The following DPP6 variants were observed in gnomAD, a reference collection of about 807,000 sequenced individuals.
The protein encoded by DPP6 is A-type potassium channel modulatory protein DPP6.
Under a neutral mutation model 122.6 loss-of-function variants are expected in DPP6, and 69 were observed. The observed-to-expected ratio is 0.56, with a 90% CI of 0.46 to 0.69. The LOEUF (loss-of-function observed/expected upper bound fraction) is 0.69. Ranked by LOEUF, DPP6 falls within the 30% of genes least tolerant of loss-of-function variation. The pLI is 0.00. For synonymous variants in DPP6, 418 were observed against 433.1 expected, an observed-to-expected ratio of 0.97 and a Z score of 0.43; for missense variants, 928 against 1,116.9, an observed-to-expected ratio of 0.83 and a Z score of 2.41.
chr7:153,778,871 G>A, the DPP6 span, among the ~76,000 whole-genome samples: 39 of 149,142 alleles, frequency 2.6e-4, no homozygotes, highest in Non-Finnish European at 5.7e-4. Context: ...GCACACACCA[G>A]GCCTGTATGC....
At chr7:154,522,792 A>G (rs1488503912) in intron 3 of DPP6, among the ~76,000 whole-genome samples, 1 of 152,188 alleles carries the variant, frequency 6.6e-6, no homozygotes, top group Non-Finnish European at 1.5e-5. Context: ...TCTGCTCAGG[A>G]GCCCCCTGAA....
At chr7:154,394,591 G>A (rs561176303) in intron 1 of DPP6, among the ~76,000 whole-genome samples, 16 of 151,624 alleles carry the variant, frequency 1.1e-4, no homozygotes, top group Middle Eastern at 3.4e-3. Context: ...ACAATTTCTC[G>A]AAGTCCTATT....
At chr7:154,525,584 C>T (rs564585718) in intron 3 of DPP6, among the ~76,000 whole-genome samples, 76 of 152,326 alleles carry the variant, frequency 5.0e-4, no homozygotes, top group Admixed American at 3.6e-3. Flanking sequence ...GTGATTAACA[C>T]GGAATGCTAC....
chr7:153,879,539 G>A, the DPP6 span, among the ~76,000 whole-genome samples: 9 of 151,988 alleles, frequency 5.9e-5, no homozygotes, highest in East Asian at 1.9e-4. Context: ...GCAGGTGCAC[G>A]CCACCACAGC....
At chr7:154,411,455 G>T (rs946818685) in intron 1 of DPP6, among the ~76,000 whole-genome samples, 7 of 152,088 alleles carry the variant, frequency 4.6e-5, no homozygotes, top group Non-Finnish European at 1.0e-4. Flanking sequence ...GGCCAAGGCT[G>T]GTCTCAAACT....
chr7:154,551,278 C>G (rs1271695778), intron 4 of DPP6, among the ~76,000 whole-genome samples: 2 of 152,118 alleles, frequency 1.3e-5, no homozygotes, highest in Non-Finnish European at 2.9e-5. Flanking sequence ...GTTTGATTAG[C>G]AAATGCAGGT....
chr7:154,768,815 T>C (rs893956778), intron 8 of DPP6, among the ~76,000 whole-genome samples: 1 of 152,228 alleles, frequency 6.6e-6, no homozygotes, highest in South Asian at 2.1e-4. Context: ...CCATGCATAG[T>C]GAGCTTGTAC....
intron 1 of DPP6, among the ~76,000 whole-genome samples, chr7:153,904,686 C>T (rs184098568): frequency 1.6e-3 from 248 of 152,318 alleles, no homozygotes; most frequent in African/African-American, 5.5e-3. Flanking sequence ...ATATAGTCCT[C>T]GCCTTCCTTC....
chr7:154,784,741 C>G (rs1333747206), intron 10 of DPP6, among the ~76,000 whole-genome samples: 1 of 152,196 alleles, frequency 6.6e-6, no homozygotes, highest in Non-Finnish European at 1.5e-5. Context: ...AGAGCAAGCT[C>G]TCAGGTCTGC....
chr7:153,961,979 A>G (rs1460807524), intron 1 of DPP6, among the ~76,000 whole-genome samples: 3 of 148,862 alleles, frequency 2.0e-5, no homozygotes, highest in South Asian at 4.4e-4. Flanking sequence ...CACAGCCATT[A>G]TATGTCCCCT....
At chr7:154,698,957 T>A (rs1840366814) in intron 7 of DPP6, among the ~76,000 whole-genome samples, 1 of 152,156 alleles carries the variant, frequency 6.6e-6, no homozygotes, top group African/African-American at 2.4e-5. Flanking sequence ...AAGATCTGAG[T>A]AACCTACAGA....
At chr7:154,091,649 A>G (rs1258323482) in intron 1 of DPP6, among the ~76,000 whole-genome samples, 5 of 151,988 alleles carry the variant, frequency 3.3e-5, no homozygotes, top group African/African-American at 1.2e-4. Context: ...AAGGGTCCCT[A>G]AGAGAAAGGA....
intron 1 of DPP6, among the ~76,000 whole-genome samples, chr7:154,442,683 G>C (rs1485858366): frequency 1.3e-5 from 2 of 152,268 alleles, no homozygotes; most frequent in East Asian, 3.9e-4. Flanking sequence ...CTTGAAAACA[G>C]AAGGCTAGAG....
chr7:154,104,516 C>T (rs541136273), intron 1 of DPP6, among the ~76,000 whole-genome samples: 1 of 152,340 alleles, frequency 6.6e-6, no homozygotes, highest in East Asian at 1.9e-4. Context: ...ATTCGTATTT[C>T]AAAGATCACA....
intron 7 of DPP6, among the ~76,000 whole-genome samples, chr7:154,709,573 C>A (rs1841041958): frequency 7.4e-6 from 1 of 135,330 alleles, no homozygotes; most frequent in Non-Finnish European, 1.6e-5. Context: ...ATCTGTAAGA[C>A]AACGACATTT....
At position 154,183,817 on chromosome 7, in the gene DPP6, A is replaced by G. The variant is rs188718597; in HGVS notation, c.243+130754A>G. The stretch of plus-strand genomic sequence containing the variant: ...GCCAGGACTCCAAAACCATGTGTCC[A>G]ATGAATCACTCAGCACCGGGACTGT... On this transcript the variant is annotated intron_variant, in intron 1 of 25. Transcript: ENST00000377770. 3.9e-3 allele frequency among the ~76,000 whole-genome samples: 590 copies of G among 152,334 alleles called. 3 individuals are homozygous for G. The highest frequency in any genetic ancestry group is 4.7e-3 in the Non-Finnish European group (323 of 68,026).
At chr7:153,983,291 C>G (rs187691906) in intron 1 of DPP6, among the ~76,000 whole-genome samples, 1 of 152,240 alleles carries the variant, frequency 6.6e-6, no homozygotes, top group Non-Finnish European at 1.5e-5. Flanking sequence ...GTGGCTTGGC[C>G]GTGCTGCCAT....
chr7:154,785,391 T>C (rs941680525), intron 10 of DPP6, among the ~76,000 whole-genome samples: 1 of 152,230 alleles, frequency 6.6e-6, no homozygotes, highest in African/African-American at 2.4e-5. Flanking sequence ...TTTAGTCTTA[T>C]TTATTGTCTT....
chr7:154,055,770 C>T (rs941777453), intron 1 of DPP6: 2 of 152,226 alleles, frequency 1.3e-5, no homozygotes, highest in Admixed American at 6.5e-5. Context: ...CCTTTTCAGT[C>T]CTGATCCCAA....
Sources: gnomAD v4.1 joint callset for allele counts (sites outside exome capture counted in the v4.1 genomes callset) on GRCh38, gnomAD v4.1.1 for gene constraint, MANE v1.5 for transcripts, NCBI Gene and HGNC (gene_info 2026-07-23, HGNC 2026-07-21) for gene names.